Variants in ZFAT observed in about 807,000 individuals in gnomAD.
ZFAT encodes the protein zinc finger protein ZFAT.
In ZFAT, 64 loss-of-function variants were observed where a neutral mutation model predicts 117.7. The observed-to-expected ratio is 0.54, with a 90% CI of 0.44 to 0.67. The LOEUF is 0.67. Among genes scored for constraint, ZFAT ranks in the 30% least tolerant of loss-of-function variants. The pLI is 0.00. For synonymous variants in ZFAT, 679 were observed against 615.0 expected (o/e 1.10, Z -1.54); for missense variants, 1,433 against 1,584.5 (o/e 0.90, Z 1.62).
chr8:134,699,139 C>T (rs1212976328), intron 1 of ZFAT, among the ~76,000 whole-genome samples: 2 of 152,122 alleles, frequency 1.3e-5, no homozygotes, highest in Non-Finnish European at 2.9e-5. Flanking sequence ...CCCCTCCCCG[C>T]ATTGCGTAGG....
chr8:134,536,161 G>A (rs978453256), intron 11 of ZFAT, among the ~76,000 whole-genome samples: 3 of 152,176 alleles, frequency 2.0e-5, no homozygotes, highest in Admixed American at 1.3e-4. Flanking sequence ...AAATGTGTGT[G>A]TGAGCCCAAA....
At chr8:134,799,504 A>C in the ZFAT span, among the ~76,000 whole-genome samples, 1 of 152,226 alleles carries the variant, frequency 6.6e-6, no homozygotes, top group Non-Finnish European at 1.5e-5. Flanking sequence ...TAACGTTTAG[A>C]CCAATCAGTA....
chr8:134,686,474 CA>C (rs1166308126), intron 1 of ZFAT, among the ~76,000 whole-genome samples: 26 of 152,230 alleles, frequency 1.7e-4, no homozygotes. Flanking sequence ...TTATCCTATG[CA>C]TATTTCTCTA....
chr8:134,482,938 C>CACAAGTGGCTCTGCTGGCCCTGCAGA (rs1339637943), intron 15 of ZFAT, among the ~76,000 whole-genome samples: 3 of 152,200 alleles, frequency 2.0e-5, no homozygotes. Flanking sequence ...CCCCAGTGTT[C>CACAAGTGGCTCTGCTGGCCCTGCAGA]ACAAGTGGCT....
chr8:134,764,901 G>T, the ZFAT span: 2 of 152,216 alleles, frequency 1.3e-5, no homozygotes, highest in East Asian at 3.8e-4. Flanking sequence ...ACGGGAACCC[G>T]CAGGCACTGC....
intron 1 of ZFAT, among the ~76,000 whole-genome samples, chr8:134,709,617 G>A (rs1813911824): frequency 6.6e-6 from 1 of 152,200 alleles, no homozygotes; most frequent in African/African-American, 2.4e-5. Flanking sequence ...GCCCATCTTG[G>A]TGCAGAGTTT....
At chr8:134,712,754 G>A in intron 1 of ZFAT, 91 bp downstream of exon 1, 12 of 1,351,856 alleles carry the variant, frequency 8.9e-6, no homozygotes, top group African/African-American at 3.1e-5. Context: ...CCGGCGCACT[G>A]CTTCCCGACT....
intron 2 of ZFAT, among the ~76,000 whole-genome samples, chr8:134,646,416 A>C (rs1830900130): frequency 1.3e-5 from 2 of 152,204 alleles, no homozygotes; most frequent in Admixed American, 6.5e-5. Flanking sequence ...GATGTAGCAA[A>C]GGCAGTTCTA....
chr8:134,596,775 C>T (rs1475635401), intron 7 of ZFAT, among the ~76,000 whole-genome samples: 1 of 152,040 alleles, frequency 6.6e-6, no homozygotes, highest in Non-Finnish European at 1.5e-5. Flanking sequence ...ATTGAATATA[C>T]ACATTTTATG....
Position 134,637,559 on chromosome 8 carries a change from T to A in ZFAT, c.350A>T (p.Glu117Val), listed in dbSNP as rs1413254198. The change falls in exon 3 of 16, where the codon GAG becomes GTG. Residue 117 changes from glutamate to valine, a missense_variant. Glu to Val is a moderately radical substitution (Grantham distance 121). Coordinates refer to ENST00000377838, the MANE Select transcript of ZFAT (RefSeq NM_020863.4). ...GAACTTCCGACAGCACTTGCTACAC[T>A]CCAAGCTGCTTGGAGGCAGGCTGTT... ...EGNSLPPSSL[E>V]CSKCCRKFSN... The A allele has an allele frequency of 1.7e-5, 28 of 1,614,120 alleles. No individual in the cohort carries two copies. The Admixed American group carries it at 4.5e-4, about 26-fold the overall frequency.
chr8:134,634,511 T>G (rs1223593097), intron 3 of ZFAT, among the ~76,000 whole-genome samples: 4 of 152,148 alleles, frequency 2.6e-5, no homozygotes, highest in Admixed American at 6.5e-5. Flanking sequence ...TTAACACACT[T>G]TCCAACCCAG....
chr8:134,586,614 T>C (rs1563635184), intron 9 of ZFAT, among the ~76,000 whole-genome samples: 1 of 152,250 alleles, frequency 6.6e-6, no homozygotes, highest in Non-Finnish European at 1.5e-5. Flanking sequence ...ATGAATGCCA[T>C]TCCAAGCCTG....
intron 5 of ZFAT, among the ~76,000 whole-genome samples, chr8:134,603,416 C>A (rs938153127): frequency 1.3e-5 from 2 of 152,174 alleles, no homozygotes; most frequent in African/African-American, 4.8e-5. Flanking sequence ...TTTAACAGGA[C>A]TAGTCTTAAT....
At chr8:134,525,714 G>T (rs574536871) in intron 12 of ZFAT, among the ~76,000 whole-genome samples, 22 of 152,148 alleles carry the variant, frequency 1.4e-4, no homozygotes, top group Non-Finnish European at 2.9e-4. Context: ...CAGCACCTCC[G>T]CCCACTGCTT....
upstream of ZFAT, among the ~76,000 whole-genome samples, chr8:134,713,897 A>T (rs5024726): frequency 1 from 151,983 of 151,998 alleles, 75,984 homozygotes; most frequent in Middle Eastern, 1. Context: ...ACCTCTGTCA[A>T]TGGTCACCCC....
At chr8:134,634,070 A>AAAC (rs3044989) in intron 3 of ZFAT, among the ~76,000 whole-genome samples, 109,398 of 151,510 alleles carry the variant, frequency 0.72, 39,853 homozygotes, top group East Asian at 0.91. Flanking sequence ...AAAACAAAAC[A>AAAC]AACAACAACA....
chr8:134,557,645 C>T (rs1315570415), intron 11 of ZFAT, among the ~76,000 whole-genome samples: 1 of 151,954 alleles, frequency 6.6e-6, no homozygotes, highest in African/African-American at 2.4e-5. Context: ...AAATGGAATA[C>T]TAAAAAATAC....
chr8:134,570,652 A>G (rs66669000), intron 10 of ZFAT, among the ~76,000 whole-genome samples: 55,925 of 152,012 alleles, frequency 0.37, 11,691 homozygotes, highest in Admixed American at 0.53. Flanking sequence ...CAGTTAATTT[A>G]CAGGAGCACC....
the ZFAT span, among the ~76,000 whole-genome samples, chr8:134,791,031 A>T: frequency 2.0e-5 from 3 of 152,178 alleles, no homozygotes; most frequent in Non-Finnish European, 4.4e-5. Flanking sequence ...AATGCGTCTG[A>T]ATATATGCCA....
Sources: allele counts gnomAD v4.1 joint callset (sites outside exome capture counted in the v4.1 genomes callset), GRCh38; gene constraint gnomAD v4.1.1; transcripts MANE v1.5; gene names NCBI Gene and HGNC (gene_info 2026-07-23, HGNC 2026-07-21).